The following ASAP2 variants were observed in gnomAD, a reference collection of about 807,000 sequenced individuals.
The protein encoded by ASAP2 is arf-GAP with SH3 domain, ANK repeat and PH domain-containing protein 2.
ASAP2 carries 45 observed loss-of-function variants against 131.4 expected under a neutral mutation model. That is an observed-to-expected ratio of 0.34 (90% CI 0.27 to 0.44). The LOEUF is 0.44. Among genes scored for constraint, ASAP2 ranks in the 20% least tolerant of loss-of-function variants. The pLI, the probability that ASAP2 is intolerant of heterozygous loss-of-function variation, is 1.00. For synonymous variants in ASAP2, 510 were observed against 503.0 expected (o/e 1.01, Z -0.19); for missense variants, 1,011 against 1,297.0 (o/e 0.78, Z 3.39).
At chr2:9,398,421 G>A (rs1037288606) in intron 24 of ASAP2, among the ~76,000 whole-genome samples, 30 of 152,076 alleles carry the variant, frequency 2.0e-4, no homozygotes, top group African/African-American at 7.0e-4. Context: ...TGAAGCGGGA[G>A]GATCACTTGA....
intron 3 of ASAP2, among the ~76,000 whole-genome samples, chr2:9,312,109 A>C (rs920859996): frequency 6.6e-6 from 1 of 152,190 alleles, no homozygotes; most frequent in East Asian, 1.9e-4. Flanking sequence ...AAGTGGTGCA[A>C]CCATCACCTC....
intron 9 of ASAP2, among the ~76,000 whole-genome samples, chr2:9,340,579 G>T (rs1363978039): frequency 6.6e-6 from 1 of 152,234 alleles, no homozygotes; most frequent in Non-Finnish European, 1.5e-5. Flanking sequence ...GGACATACCT[G>T]TCATATCTTC....
At chr2:9,219,784 G>A (rs1662291568) in intron 1 of ASAP2, among the ~76,000 whole-genome samples, 1 of 152,094 alleles carries the variant, frequency 6.6e-6, no homozygotes, top group South Asian at 2.1e-4. Context: ...TCACAAAGTT[G>A]TGTAGCCATC....
rs1166096331 is a variant in ASAP2 at position 9,327,900 on chromosome 2, T to C, written c.675T>C (p.His225=). 2 of 1,575,894 alleles carry C rather than the reference T, an allele frequency of 1.3e-6. No homozygotes were observed. The highest frequency in any genetic ancestry group is 2.3e-5 in the East Asian group (1 of 42,920). Residue 225 remains histidine, a synonymous_variant, in exon 7 of 28, where the codon CAT becomes CAC. Coordinates refer to ENST00000281419, the MANE Select transcript of ASAP2 (RefSeq NM_003887.3). ...TTCAGAATCTGATCAAATACTTTCA[T>C]GCCCAATGCAAGTAAGTTCTTCTCT... ...DLLQNLIKYF[H]AQCNFFQDGL...
chr2:9,395,585 GTTTTTTTTC>G (rs1676060111), intron 24 of ASAP2, among the ~76,000 whole-genome samples: 3 of 76,286 alleles, frequency 3.9e-5, no homozygotes, highest in African/African-American at 1.2e-4. Context: ...TTTTTCTTGT[GTTTTTTTTC>G]TTTTTTTTTT....
intron 1 of ASAP2, among the ~76,000 whole-genome samples, chr2:9,220,531 A>G (rs1034850198): frequency 5.3e-5 from 8 of 152,186 alleles, no homozygotes; most frequent in Admixed American, 3.3e-4. Context: ...AGAACTATCT[A>G]TTCAAATCCT....
intron 3 of ASAP2, among the ~76,000 whole-genome samples, chr2:9,316,896 G>C (rs62121350): frequency 0.32 from 47,697 of 147,698 alleles, 8,124 homozygotes; most frequent in Non-Finnish European, 0.36. Flanking sequence ...TATCTCCTTT[G>C]CCTAGCAACA....
rs535503410 is a variant in ASAP2 at position 9,387,486 on chromosome 2, C to CTCCT, written c.2131-807_2131-804dup. Reference sequence around the variant, plus strand: ...CCCTAATTTGGAGGAATCTCAGGAGCTCCTGTTCATATGGGAGGAAAACAT... The same window carrying CTCCT: ...CCCTAATTTGGAGGAATCTCAGGAGCTCCTTCCTGTTCATATGGGAGGAAAACAT... On this transcript the variant is annotated intron_variant, in intron 21 of 27. Transcript: ENST00000281419. Among the ~76,000 whole-genome samples, 723 of 152,254 alleles carry CTCCT rather than the reference C, an allele frequency of 4.7e-3. 7 individuals are homozygous for CTCCT. The highest frequency in any genetic ancestry group is 0.017 in the African/African-American group (692 of 41,552).
In ASAP2 at chr2:9,207,008, C is replaced by CGGTAGCGGCGGT; in HGVS notation, c.-95_-94insTAGCGGCGGTGG. ...CTTTGTCCGCGGGCCGGAGCGGCGGCGGCAGCGGCGGTGTCCGAGCGGCGG... is the reference window on the plus strand; with the variant it reads ...CTTTGTCCGCGGGCCGGAGCGGCGGCGGTAGCGGCGGTGGCAGCGGCGGTGTCCGAGCGGCGG... On this transcript the variant is annotated 5_prime_UTR_variant, in exon 1 of 28. Coordinates refer to ENST00000281419, the MANE Select transcript of ASAP2 (RefSeq NM_003887.3). This position sits in a 1 kb window ranked among gnomAD's most constrained non-coding sequence, Gnocchi z 4.1. 1 of 1,068,670 alleles carries CGGTAGCGGCGGT rather than the reference C, an allele frequency of 9.4e-7. No individual in the cohort carries two copies. The highest frequency in any genetic ancestry group is 1.1e-6 in the Non-Finnish European group (1 of 879,068). The allele number at this position is 1,068,670 out of a possible 1,614,324, so 66.2% of individuals were successfully genotyped here. A position where few individuals can be genotyped will look rare whatever the true frequency, so the allele number is the denominator to read the frequency against.
In ASAP2 at chr2:9,403,333, T is replaced by C. The variant is rs374875425; in HGVS notation, c.*6T>C. 4.5e-5 allele frequency: 73 copies of C among 1,613,322 alleles called. No homozygotes were observed. Among genetic ancestry groups the C allele is most frequent in the Non-Finnish European group, 6.1e-5 (72 of 1,179,454 alleles). ...TGCACTTTATCGCTGACTGAATTGC[T>C]ACTGAACAAAAGCATTAACAGTTAT... On this transcript the variant is annotated 3_prime_UTR_variant, in exon 28 of 28. Coordinates refer to ENST00000281419, the MANE Select transcript of ASAP2 (RefSeq NM_003887.3).
intron 25 of ASAP2, 118 bp downstream of exon 25, chr2:9,400,190 G>GCCCTCCTGCCACCTC (rs1676502894): frequency 1.2e-6 from 1 of 804,750 alleles, no homozygotes; most frequent in African/African-American, 3.1e-5. Context: ...CCATTCCACA[G>GCCCTCCTGCCACCTC]CCCTCCTGCC....
At chr2:9,236,973 C>T (rs996782544) in intron 1 of ASAP2, among the ~76,000 whole-genome samples, 5 of 152,042 alleles carry the variant, frequency 3.3e-5, no homozygotes, top group Non-Finnish European at 5.9e-5. Flanking sequence ...GGTACGGAGA[C>T]GGGCAGGCGG....
In ASAP2 at chr2:9,207,652, CCCGCCGCAGCCCCCGA is replaced by C. The variant is rs1227578991; in HGVS notation, c.126+423_126+438del. 6.6e-6 allele frequency among the ~76,000 whole-genome samples: 1 copy of C among 152,050 alleles called. No homozygotes were observed. The highest frequency in any genetic ancestry group is 1.5e-5 in the Non-Finnish European group (1 of 67,966). ...GGGGGCAGCTCCGCGCTCCGAGCTC[CCCGCCGCAGCCCCCGA>C]GCGCCGCAGGGCCCCCACCCTCGGG... On this transcript the variant is annotated intron_variant, in intron 1 of 27. Coordinates refer to ENST00000281419, the MANE Select transcript of ASAP2 (RefSeq NM_003887.3). This position sits in a 1 kb window ranked among gnomAD's most constrained non-coding sequence, Gnocchi z 4.1.
chr2:9,297,767 T>C (rs1668236522), intron 3 of ASAP2, among the ~76,000 whole-genome samples: 1 of 152,228 alleles, frequency 6.6e-6, no homozygotes, highest in South Asian at 2.1e-4. Context: ...ACTCTCCTTC[T>C]GGTAATTATA....
intron 18 of ASAP2, among the ~76,000 whole-genome samples, chr2:9,378,381 C>T (rs1028113635): frequency 2.0e-5 from 3 of 152,234 alleles, no homozygotes; most frequent in Non-Finnish European, 4.4e-5. Flanking sequence ...TCCCCTTTAG[C>T]CTGTTTTCAG....
chr2:9,229,701 G>A (rs1179913895), intron 1 of ASAP2, among the ~76,000 whole-genome samples: 2 of 152,216 alleles, frequency 1.3e-5, no homozygotes, highest in African/African-American at 4.8e-5. Context: ...GGAATTGGTT[G>A]AGTAAGTGAT....
intron 24 of ASAP2, among the ~76,000 whole-genome samples, chr2:9,396,868 G>C (rs964950112): frequency 1.2e-4 from 18 of 152,150 alleles, no homozygotes; most frequent in African/African-American, 4.3e-4. Flanking sequence ...CGGGCATGAT[G>C]GCACACACCT....
At chr2:9,293,724 C>G (rs1431305797) in intron 2 of ASAP2, among the ~76,000 whole-genome samples, 1 of 152,074 alleles carries the variant, frequency 6.6e-6, no homozygotes, top group Non-Finnish European at 1.5e-5. Context: ...GAGGAAGACA[C>G]GGGGCTTATG....
Position 9,391,015 on chromosome 2 carries a change from C to T in ASAP2, c.2384-47C>T, listed in dbSNP as rs748404445. 1.1e-4 allele frequency: 170 copies of T among 1,613,484 alleles called. 2 individuals are homozygous for T. In the South Asian group the frequency reaches 1.6e-3, roughly 16 times the overall value. On this transcript the variant is annotated intron_variant, in intron 22 of 27. Coordinates refer to ENST00000281419, the MANE Select transcript of ASAP2 (RefSeq NM_003887.3). ...GTTTCTGTTTTTGTTCGTGTGTGCACGTGTATGTGTGCGTGCATGCGTCTG... is the reference window on the plus strand; with the variant it reads ...GTTTCTGTTTTTGTTCGTGTGTGCATGTGTATGTGTGCGTGCATGCGTCTG...
Sources: gnomAD v4.1 joint callset for allele counts (sites outside exome capture counted in the v4.1 genomes callset) on GRCh38, gnomAD v4.1.1 for gene constraint, Gnocchi (gnomAD v3.1) non-coding constraint, MANE v1.5 for transcripts, NCBI Gene and HGNC (gene_info 2026-07-23, HGNC 2026-07-21) for gene names.